STK17B: variants seen among roughly 807,000 people sequenced by gnomAD.
STK17B encodes the protein serine/threonine kinase 17b.
A neutral mutation model predicts 42.0 loss-of-function variants in STK17B; 21 were observed. That is an observed-to-expected ratio of 0.50 (90% CI 0.35 to 0.72). The LOEUF is 0.72. STK17B is among the 30% of genes least tolerant of loss of function. The probability of loss-of-function intolerance (pLI) is 0.00; values close to 1 mark genes in which losing one functional copy is unlikely to be tolerated. For synonymous variants in STK17B, 143 were observed against 148.4 expected, an observed-to-expected ratio of 0.96 and a Z score of 0.26; for missense variants, 349 against 446.0, an observed-to-expected ratio of 0.78 and a Z score of 1.96.
intron 3 of STK17B, 53 bp downstream of exon 3, chr2:196,156,386 T>C: frequency 1.5e-6 from 2 of 1,363,756 alleles, no homozygotes; most frequent in South Asian, 2.8e-5. Context: ...TTCTTGACAT[T>C]TTAATCATCT....
intron 3 of STK17B, among the ~76,000 whole-genome samples, chr2:196,147,170 T>C (rs905392977): frequency 7.2e-5 from 11 of 152,316 alleles, no homozygotes; most frequent in African/African-American, 2.6e-4. Flanking sequence ...TATACAGTTA[T>C]TCATCAAATT....
chr2:196,163,179 T>C, intron 2 of STK17B, 83 bp downstream of exon 2: 3 of 1,484,926 alleles, frequency 2.0e-6, no homozygotes, highest in Non-Finnish European at 2.8e-6. Context: ...TAAATAATGA[T>C]CCCAAGTGAG....
intron 3 of STK17B, among the ~76,000 whole-genome samples, chr2:196,155,358 T>C (rs374904128): frequency 1.3e-5 from 2 of 152,238 alleles, no homozygotes; most frequent in East Asian, 1.9e-4. Context: ...TACATAGTAT[T>C]CATTCTTAAA....
intron 7 of STK17B, 45 bp from the exon 8 acceptor site, chr2:196,137,774 G>A (rs1229252021): frequency 6.4e-7 from 1 of 1,563,590 alleles, no homozygotes; most frequent in East Asian, 2.3e-5. Context: ...TAAAAATCAA[G>A]TTGAAAATGT....
At chr2:196,163,198 A>C in intron 2 of STK17B, 64 bp downstream of exon 2, 2 of 1,562,078 alleles carry the variant, frequency 1.3e-6, no homozygotes, top group Non-Finnish European at 1.7e-6. Flanking sequence ...AGTTTTATAG[A>C]ATTATAAAAA....
intron 4 of STK17B, 45 bp downstream of exon 4, chr2:196,145,863 CAGA>C (rs774040788): frequency 2.0e-6 from 3 of 1,508,154 alleles, no homozygotes; most frequent in African/African-American, 2.8e-5. Context: ...ATACTAAGAG[CAGA>C]AGAAGAACAC....
rs1699380636 is a variant in STK17B, at chr2:196,135,230, T to C, written c.*2217A>G. On this transcript the variant is annotated 3_prime_UTR_variant, in exon 8 of 8. Coordinates refer to ENST00000263955, the MANE Select transcript of STK17B (RefSeq NM_004226.4). ...AAAAATTAAAAATATAATATGGTCT[T>C]CAGAAACATAATCATTTCATTATCC... The C allele has an allele frequency of 6.6e-6, 1 of 152,192 alleles. No individual in the cohort carries two copies. Among genetic ancestry groups the C allele is most frequent in the African/African-American group, 2.4e-5 (1 of 41,444 alleles). The allele number at this position is 152,192 out of a possible 1,614,324, so 9.4% of individuals were successfully genotyped here. A position where few individuals can be genotyped will look rare whatever the true frequency, so the allele number is the denominator to read the frequency against.
At chr2:196,174,565 G>A (rs560074192), upstream of STK17B, among the ~76,000 whole-genome samples, 38 of 152,326 alleles carry the variant, frequency 2.5e-4, no homozygotes, top group African/African-American at 8.9e-4. Context: ...CCTGTGGCTA[G>A]GCTAAAGGTA....
intron 2 of STK17B, 22 bp downstream of exon 2, chr2:196,163,240 A>G (rs1559415983): frequency 6.2e-7 from 1 of 1,607,182 alleles, no homozygotes; most frequent in African/African-American, 1.3e-5. Context: ...TAGATGGCAT[A>G]CACGTCATAT....
chr2:196,172,887 T>C (rs559255795), upstream of STK17B, among the ~76,000 whole-genome samples: 1 of 152,144 alleles, frequency 6.6e-6, no homozygotes, highest in Non-Finnish European at 1.5e-5. Flanking sequence ...AATGAGACTG[T>C]TCCCATCTTT....
chr2:196,157,450 GACTT>G (rs1439509753), intron 2 of STK17B, among the ~76,000 whole-genome samples: 1 of 152,046 alleles, frequency 6.6e-6, no homozygotes, highest in Non-Finnish European at 1.5e-5. Flanking sequence ...ATGGGTATTT[GACTT>G]ATTTAATTTT....
At chr2:196,149,311 G>A (rs559886237) in intron 3 of STK17B, among the ~76,000 whole-genome samples, 73 of 152,114 alleles carry the variant, frequency 4.8e-4, no homozygotes, top group African/African-American at 1.5e-3. Flanking sequence ...CTACAGGCGC[G>A]TGGCACCACA....
chr2:196,144,927 G>A (rs1189910018), intron 4 of STK17B, among the ~76,000 whole-genome samples: 2 of 151,978 alleles, frequency 1.3e-5, no homozygotes, highest in Non-Finnish European at 2.9e-5. Context: ...TAGCTCTGTT[G>A]TTGTCAACCA....
At position 196,135,344 on chromosome 2, in the gene STK17B, A is replaced by G. The variant is rs1699382753; in HGVS notation, c.*2103T>C. On this transcript the variant is annotated 3_prime_UTR_variant, in exon 8 of 8. Transcript: ENST00000263955. Reference sequence around the variant, plus strand: ...AATTTAGAAACAACTCATCAGTTTTAGATATACAAGGGCTCAATTTAGATT... The same window carrying G: ...AATTTAGAAACAACTCATCAGTTTTGGATATACAAGGGCTCAATTTAGATT... The G allele has an allele frequency of 6.6e-6, 1 of 152,256 alleles. No individual in the cohort carries two copies. The highest frequency in any genetic ancestry group is 2.4e-5 in the African/African-American group (1 of 41,476). The allele number at this position is 152,256 out of a possible 1,614,324, so 9.4% of individuals were successfully genotyped here. A position where few individuals can be genotyped will look rare whatever the true frequency, so the allele number is the denominator to read the frequency against.
upstream of STK17B, among the ~76,000 whole-genome samples, chr2:196,172,492 A>G (rs1050517898): frequency 6.6e-6 from 1 of 152,240 alleles, no homozygotes; most frequent in African/African-American, 2.4e-5. Context: ...GGGAAAGGAT[A>G]CTGGGAGTGG....
At chr2:196,165,227 C>T (rs1008803830) in intron 1 of STK17B, among the ~76,000 whole-genome samples, 2 of 152,082 alleles carry the variant, frequency 1.3e-5, no homozygotes, top group African/African-American at 4.8e-5. Context: ...TATGTGAACA[C>T]ACTAGGAGAA....
chr2:196,139,955 A>G (rs1351668781), intron 6 of STK17B, among the ~76,000 whole-genome samples, 156 bp from the exon 7 acceptor site: 2 of 152,264 alleles, frequency 1.3e-5, no homozygotes, highest in African/African-American at 4.8e-5. Flanking sequence ...TTAAAACTAA[A>G]ATAATGATCT....
Position 196,156,655 on chromosome 2 carries a change from G to A in STK17B, c.123-4C>T. On this transcript the variant is annotated splice_region_variant and splice_polypyrimidine_tract_variant and intron_variant, in intron 2 of 7. Coordinates refer to ENST00000263955, the MANE Select transcript of STK17B (RefSeq NM_004226.4). ...TCTAACCACAGCAAATTTTCCTCTG[G>A]GGGAAGATGAGAACAATCAATTTTA... 6.2e-7 allele frequency: 1 copy of A among 1,605,530 alleles called. No homozygotes were observed. The highest frequency in any genetic ancestry group is 8.5e-7 in the Non-Finnish European group (1 of 1,174,910).
At chr2:196,164,592 T>G (rs1320233106) in intron 1 of STK17B, among the ~76,000 whole-genome samples, 1 of 152,222 alleles carries the variant, frequency 6.6e-6, no homozygotes, top group African/African-American at 2.4e-5. Flanking sequence ...CGCTAAGCAT[T>G]TGTTCCTCCT....
Sources: gnomAD v4.1 joint callset for allele counts (sites outside exome capture counted in the v4.1 genomes callset) on GRCh38, gnomAD v4.1.1 for gene constraint, MANE v1.5 for transcripts, NCBI Gene and HGNC (gene_info 2026-07-23, HGNC 2026-07-21) for gene names.